The following LARP4B variants were observed in gnomAD, a reference collection of about 807,000 sequenced individuals.
The protein encoded by LARP4B is La ribonucleoprotein 4B.
In LARP4B, 12 loss-of-function variants were observed where a neutral mutation model predicts 89.8. The observed-to-expected ratio is 0.13, with a 90% CI of 0.09 to 0.22. The LOEUF is 0.22. LARP4B is among the 10% of genes least tolerant of loss of function. LARP4B has a pLI of 1.00. For missense variants in LARP4B, 757 were observed against 947.7 expected (o/e 0.80, Z 2.64); for synonymous variants, 367 against 363.3 (o/e 1.01, Z -0.12).
At chr10:890,110 T>C (rs577559749) in intron 1 of LARP4B, among the ~76,000 whole-genome samples, 1 of 152,348 alleles carries the variant, frequency 6.6e-6, no homozygotes, top group South Asian at 2.1e-4. Context: ...AAAACATACA[T>C]CAGACTGTCA....
chr10:976,555 CGTA>C, the LARP4B span, among the ~76,000 whole-genome samples: 1 of 142,490 alleles, frequency 7.0e-6, no homozygotes, highest in Non-Finnish European at 1.5e-5. Flanking sequence ...GTAGGTGCCG[CGTA>C]ATGTGTGGCC....
At chr10:944,675 C>T in the LARP4B span, among the ~76,000 whole-genome samples, 1 of 152,372 alleles carries the variant, frequency 6.6e-6, no homozygotes, top group African/African-American at 2.4e-5. Context: ...GCGTTGCCCC[C>T]GCCCTGCCTT....
intron 11 of LARP4B, among the ~76,000 whole-genome samples, chr10:827,325 G>A (rs1832686314): frequency 6.6e-6 from 1 of 152,086 alleles, no homozygotes; most frequent in South Asian, 2.1e-4. Context: ...TGCAGACCTG[G>A]ATCTGAGGCT....
At chr10:876,326 A>G (rs1198234835) in intron 3 of LARP4B, among the ~76,000 whole-genome samples, 1 of 152,148 alleles carries the variant, frequency 6.6e-6, no homozygotes, top group African/African-American at 2.4e-5. Context: ...CAGAGGCTGC[A>G]GTGAGCAGAT....
At chr10:988,269 G>C in the LARP4B span, 2 of 564,820 alleles carry the variant, frequency 3.5e-6, no homozygotes, top group Non-Finnish European at 3.2e-6. Context: ...CTGTACCCTC[G>C]CTCCTGAGGC....
At chr10:969,602 C>T in the LARP4B span, among the ~76,000 whole-genome samples, 22 of 152,176 alleles carry the variant, frequency 1.4e-4, no homozygotes, top group East Asian at 1.7e-3. Flanking sequence ...TGGTGGCACA[C>T]GCCTGTAGTC....
At chr10:926,621 G>C (rs1837141158) in intron 1 of LARP4B, among the ~76,000 whole-genome samples, 1 of 152,182 alleles carries the variant, frequency 6.6e-6, no homozygotes, top group African/African-American at 2.4e-5. Flanking sequence ...AAATAAAAGA[G>C]CATTTTATTG....
intron 1 of LARP4B, among the ~76,000 whole-genome samples, chr10:909,027 G>T (rs543268238): frequency 3.9e-5 from 6 of 152,262 alleles, no homozygotes; most frequent in Admixed American, 2.0e-4. Flanking sequence ...AGGCGCGGTG[G>T]CTCATGCCTG....
intron 1 of LARP4B, among the ~76,000 whole-genome samples, chr10:921,304 C>T (rs1049149340): frequency 1.3e-4 from 19 of 151,806 alleles, no homozygotes; most frequent in African/African-American, 4.1e-4. Flanking sequence ...AGAAAGAAAA[C>T]TGGAAGTTAA....
At chr10:816,081 T>A (rs1043620152) in intron 15 of LARP4B, among the ~76,000 whole-genome samples, 4 of 152,116 alleles carry the variant, frequency 2.6e-5, no homozygotes, top group Admixed American at 2.6e-4. Context: ...ATACAAAAAT[T>A]AGCCGGGTGT....
At chr10:955,844 A>G in the LARP4B span, among the ~76,000 whole-genome samples, 2 of 152,110 alleles carry the variant, frequency 1.3e-5, no homozygotes, top group East Asian at 1.9e-4. This position sits in a 1 kb window ranked among gnomAD's most constrained non-coding sequence, Gnocchi z 5.2. Flanking sequence ...CAGAAAGGAA[A>G]CTGTGTGAGG....
chr10:931,063 G>C (rs1830578514), intron 1 of LARP4B, among the ~76,000 whole-genome samples: 1 of 149,620 alleles, frequency 6.7e-6, no homozygotes, highest in African/African-American at 2.5e-5. Flanking sequence ...CGGGCACCCA[G>C]CTCCGTCGAC....
chr10:846,801 AG>A (rs1483120854), intron 5 of LARP4B, among the ~76,000 whole-genome samples: 4 of 152,128 alleles, frequency 2.6e-5, no homozygotes, highest in African/African-American at 9.7e-5. Context: ...CCACAAGGGA[AG>A]GAAGAAAAGC....
chr10:839,305 T>C (rs928666211), intron 7 of LARP4B, among the ~76,000 whole-genome samples: 7 of 152,340 alleles, frequency 4.6e-5, no homozygotes, highest in East Asian at 3.9e-4. Context: ...TTATAACAAA[T>C]GTTCCTCTGC....
intron 7 of LARP4B, among the ~76,000 whole-genome samples, chr10:838,507 GAA>G (rs1157587506): frequency 6.6e-6 from 1 of 152,120 alleles, no homozygotes. Flanking sequence ...TCTACATATG[GAA>G]AAACGCTTCA....
At chr10:972,896 C>T in the LARP4B span, 4 of 456,176 alleles carry the variant, frequency 8.8e-6, no homozygotes, top group South Asian at 3.1e-5. Context: ...TTGGAGGGCT[C>T]GCTGCTGAGC....
chr10:818,698 G>A (rs1403781566), intron 14 of LARP4B: 1 of 152,196 alleles, frequency 6.6e-6, no homozygotes, highest in Non-Finnish European at 1.5e-5. Context: ...GGCACAGAAA[G>A]GGGAAATGAG....
chr10:928,517 G>A (rs1837216182), intron 1 of LARP4B, among the ~76,000 whole-genome samples: 1 of 152,164 alleles, frequency 6.6e-6, no homozygotes, highest in South Asian at 2.1e-4. Context: ...TCTATGTAGA[G>A]TAGCTGCAGC....
chr10:958,100 G>A, the LARP4B span, among the ~76,000 whole-genome samples: 1 of 152,084 alleles, frequency 6.6e-6, no homozygotes, highest in African/African-American at 2.4e-5. Context: ...CCTGGCCTCC[G>A]ATTGATTTCC....
Sources: gnomAD v4.1 joint callset for allele counts (sites outside exome capture counted in the v4.1 genomes callset) on GRCh38, gnomAD v4.1.1 for gene constraint, Gnocchi (gnomAD v3.1) non-coding constraint, MANE v1.5 for transcripts, NCBI Gene and HGNC (gene_info 2026-07-23, HGNC 2026-07-21) for gene names.